XDH: variants seen among roughly 807,000 people sequenced by gnomAD.
The protein encoded by XDH is xanthine dehydrogenase.
XDH carries 138 observed loss-of-function variants against 156.1 expected under a neutral mutation model. The ratio of observed to expected loss-of-function variants is 0.88; its 90% CI spans 0.77 to 1.02. XDH has a LOEUF of 1.02. XDH is among the 50% of genes least tolerant of loss of function. The pLI, the probability that XDH is intolerant of heterozygous loss-of-function variation, is 0.00. For synonymous variants in XDH, 669 were observed against 625.7 expected (o/e 1.07, Z -1.03); for missense variants, 1,849 against 1,684.9 (o/e 1.10, Z -1.71).
At chr2:31,386,758 T>A (rs561690616) in intron 8 of XDH, among the ~76,000 whole-genome samples, 15 of 152,166 alleles carry the variant, frequency 9.9e-5, no homozygotes, top group Admixed American at 9.8e-4. Flanking sequence ...AAGGAGGCAT[T>A]ATGAGCCTCA....
chr2:31,369,258 A>G (rs530283963), intron 18 of XDH, among the ~76,000 whole-genome samples: 3 of 152,244 alleles, frequency 2.0e-5, no homozygotes, highest in Non-Finnish European at 2.9e-5. Context: ...TTATACTTCA[A>G]CTAATACCCA....
chr2:31,394,247 G>A (rs939241067), intron 6 of XDH, among the ~76,000 whole-genome samples: 2 of 152,184 alleles, frequency 1.3e-5, no homozygotes, highest in Non-Finnish European at 2.9e-5. Flanking sequence ...AGTTTTGTTT[G>A]AGAAAATATT....
chr2:31,356,436 G>A (rs1374666410), intron 24 of XDH, among the ~76,000 whole-genome samples: 1 of 152,154 alleles, frequency 6.6e-6, no homozygotes, highest in Admixed American at 6.5e-5. Flanking sequence ...CATTGGAGTG[G>A]ATCCTAAATG....
intron 9 of XDH, chr2:31,384,251 A>G (rs1302206140): frequency 8.6e-6 from 2 of 232,362 alleles, no homozygotes; most frequent in Non-Finnish European, 1.7e-5. Flanking sequence ...CAACAACCCT[A>G]TGAGGTACTA....
Position 31,370,496 on chromosome 2 carries a change from G to A in XDH, c.1857-18C>T, listed in dbSNP as rs1188151200. 6.2e-7 allele frequency: 1 copy of A among 1,614,032 alleles called. No individual in the cohort carries two copies. Among genetic ancestry groups the A allele is most frequent in the Non-Finnish European group, 8.5e-7 (1 of 1,179,926 alleles). On this transcript the variant is annotated intron_variant, in intron 17 of 35. Coordinates refer to ENST00000379416, the MANE Select transcript of XDH (RefSeq NM_000379.4). ...CTATGGACCTGCAAGAATGAGTGGT[G>A]TGAGGGGCCAGGTCAGCAAGCTGGA...
chr2:31,411,937 T>G (rs188465328), intron 1 of XDH, among the ~76,000 whole-genome samples: 211 of 150,032 alleles, frequency 1.4e-3, no homozygotes, highest in Middle Eastern at 3.4e-3. Context: ...ATATGGGGAG[T>G]GAGCAAGTGA....
intron 11 of XDH, 73 bp from the exon 12 acceptor site, chr2:31,381,799 A>T: frequency 7.1e-7 from 1 of 1,412,778 alleles, no homozygotes; most frequent in Non-Finnish European, 9.8e-7. Context: ...GCTCCTGAAC[A>T]TACCAGCCAG....
At chr2:31,347,169 A>G (rs1238580246) in intron 29 of XDH, among the ~76,000 whole-genome samples, 1 of 152,202 alleles carries the variant, frequency 6.6e-6, no homozygotes, top group Non-Finnish European at 1.5e-5. Flanking sequence ...CATATGGCAG[A>G]GGAGCCAGTG....
intron 12 of XDH, among the ~76,000 whole-genome samples, chr2:31,381,082 G>A (rs960525989): frequency 6.7e-6 from 1 of 149,154 alleles, no homozygotes; most frequent in Non-Finnish European, 1.5e-5. Flanking sequence ...TGCAACCTCC[G>A]CTTCCCAGGT....
Position 31,405,966 on chromosome 2 carries a change from T to C in XDH, c.43-2A>G. On this transcript the variant is annotated splice_acceptor_variant, in intron 1 of 35. Transcript: ENST00000379416. LOFTEE classifies it high-confidence loss of function. ...TGGATCTGCATTTTTCTCCACCACC[T>C]ATTAAAATAAATGAAAGAAAAATAT... 3 of 1,614,108 alleles carry C rather than the reference T, an allele frequency of 1.9e-6. No individual in the cohort carries two copies. Among genetic ancestry groups the C allele is most frequent in the Non-Finnish European group, 2.5e-6 (3 of 1,179,974 alleles).
At chr2:31,357,842 A>G (rs1258987025) in intron 24 of XDH, among the ~76,000 whole-genome samples, 1 of 152,104 alleles carries the variant, frequency 6.6e-6, no homozygotes, top group East Asian at 1.9e-4. Flanking sequence ...ATATACAACT[A>G]CTATGTACCA....
chr2:31,342,375 CACA>C (rs746803963), intron 31 of XDH, 78 bp from the exon 32 acceptor site: 9 of 1,272,706 alleles, frequency 7.1e-6, no homozygotes, highest in South Asian at 2.4e-5. Context: ...CAGCTTGACC[CACA>C]ACATCTTTAA....
chr2:31,344,539 G>C, intron 31 of XDH, 145 bp downstream of exon 31: 4 of 946,868 alleles, frequency 4.2e-6, no homozygotes, highest in Non-Finnish European at 6.7e-6. Flanking sequence ...AGCATCTTTA[G>C]ACTGAAATTA....
chr2:31,345,721 G>C (rs1415292015), intron 30 of XDH, among the ~76,000 whole-genome samples: 1 of 152,112 alleles, frequency 6.6e-6, no homozygotes, highest in East Asian at 1.9e-4. Context: ...GCGTTTGTGT[G>C]TGCGTGCACA....
chr2:31,375,554 C>A lies in XDH; in HGVS notation c.1428G>T (p.Lys476Asn). The change falls in exon 15 of 36, where the codon AAG (lysine) becomes AAT (asparagine). Residue 476 changes from lysine to asparagine, a missense_variant and splice_region_variant. By Grantham distance (94) the Lys-to-Asn change is moderately conservative. Coordinates refer to ENST00000379416, the MANE Select transcript of XDH (RefSeq NM_000379.4). ...ALKTTQRQLS[K>N]LWKEELLQDV... is the part of the protein sequence containing the mutation. The stretch of plus-strand genomic sequence containing the variant: ...CCTGCAGCAGCTCCTCCTTCCAGAG[C>A]CTGCCAGAGAGCAGGGCGTGGGACA... 4 of 1,613,166 alleles carry A rather than the reference C, an allele frequency of 2.5e-6. No individual in the cohort carries two copies. Among genetic ancestry groups the A allele is most frequent in the Non-Finnish European group, 3.4e-6 (4 of 1,179,962 alleles).
chr2:31,361,258 G>A (rs1220099620), intron 24 of XDH, among the ~76,000 whole-genome samples: 4 of 152,218 alleles, frequency 2.6e-5, no homozygotes, highest in Non-Finnish European at 5.9e-5. Flanking sequence ...GTCAGATGTT[G>A]CCTTCAAGAA....
At chr2:31,337,587 C>G in intron 35 of XDH, 54 bp downstream of exon 35, 1 of 1,612,046 alleles carries the variant, frequency 6.2e-7, no homozygotes, top group Non-Finnish European at 8.5e-7. Context: ...CTGCAGTTTG[C>G]CAGCCTATCC....
intron 6 of XDH, among the ~76,000 whole-genome samples, chr2:31,396,446 A>G (rs1390917132): frequency 6.6e-6 from 1 of 152,220 alleles, no homozygotes; most frequent in East Asian, 1.9e-4. Context: ...GAAGAAATAT[A>G]CCAGCTTCAT....
At chr2:31,360,795 GT>G (rs1490021214) in intron 24 of XDH, among the ~76,000 whole-genome samples, 2 of 148,590 alleles carry the variant, frequency 1.3e-5, no homozygotes, top group Admixed American at 6.6e-5. Context: ...ACTATCTGAG[GT>G]TTCAGGTGTC....
Sources: allele counts gnomAD v4.1 joint callset (sites outside exome capture counted in the v4.1 genomes callset), GRCh38; gene constraint gnomAD v4.1.1; transcripts MANE v1.5; gene names NCBI Gene and HGNC (gene_info 2026-07-23, HGNC 2026-07-21).